Variants in HTR1E observed in about 807,000 individuals in gnomAD.
The protein encoded by HTR1E is 5-hydroxytryptamine receptor 1E.
A neutral mutation model predicts 3.4 loss-of-function variants in HTR1E; 3 were observed. That is an observed-to-expected ratio of 0.89 (90% CI 0.41 to 2.31). HTR1E has a LOEUF of 2.31. Ranked by LOEUF, HTR1E falls within the 30% of genes most tolerant of loss-of-function variation. The pLI, the probability that HTR1E is intolerant of heterozygous loss-of-function variation, is 0.05. For synonymous variants in HTR1E, 170 were observed against 182.8 expected (o/e 0.93, Z 0.56); for missense variants, 392 against 467.0 (o/e 0.84, Z 1.48).
chr6:86,984,926 C>A (rs1767763376), intron 1 of HTR1E, among the ~76,000 whole-genome samples: 1 of 152,062 alleles, frequency 6.6e-6, no homozygotes, highest in Admixed American at 6.6e-5. Context: ...TATACTTAAA[C>A]CTAAACTATG....
At chr6:87,014,748 G>A (rs1768291542) in intron 1 of HTR1E, among the ~76,000 whole-genome samples, 1 of 152,118 alleles carries the variant, frequency 6.6e-6, no homozygotes, top group South Asian at 2.1e-4. Flanking sequence ...AGTGGGAGTT[G>A]AACAATGAGA....
chr6:86,964,118 G>T (rs1371530521), intron 1 of HTR1E, among the ~76,000 whole-genome samples: 1 of 152,162 alleles, frequency 6.6e-6, no homozygotes, highest in Non-Finnish European at 1.5e-5. Flanking sequence ...GTATGCTAGG[G>T]AAGTCTTCCT....
At chr6:86,997,694 G>A (rs992737824) in intron 1 of HTR1E, among the ~76,000 whole-genome samples, 4 of 151,596 alleles carry the variant, frequency 2.6e-5, no homozygotes, top group East Asian at 1.9e-4. Context: ...ATCAAAAAAG[G>A]CTTGGACAAA....
At chr6:86,996,571 G>C (rs757608726) in intron 1 of HTR1E, among the ~76,000 whole-genome samples, 2 of 151,662 alleles carry the variant, frequency 1.3e-5, no homozygotes, top group Non-Finnish European at 2.9e-5. Flanking sequence ...AATGAATCAG[G>C]GAATATCATT....
At chr6:87,013,956 C>T (rs953684530) in intron 1 of HTR1E, among the ~76,000 whole-genome samples, 1 of 152,034 alleles carries the variant, frequency 6.6e-6, no homozygotes, top group African/African-American at 2.4e-5. Context: ...CATTTCACGC[C>T]AGTTAGAATG....
chr6:86,994,350 TAAAGAC>T (rs1767908141), intron 1 of HTR1E, among the ~76,000 whole-genome samples: 6 of 151,874 alleles, frequency 4.0e-5, no homozygotes, highest in Admixed American at 3.9e-4. Flanking sequence ...TTCTGAAAAT[TAAAGAC>T]AAACAAAAAA....
chr6:86,973,051 A>G (rs1179108766), intron 1 of HTR1E, among the ~76,000 whole-genome samples: 1 of 152,190 alleles, frequency 6.6e-6, no homozygotes, highest in Admixed American at 6.5e-5. Flanking sequence ...GTTGTATTTC[A>G]CAGCTTAGTC....
intron 1 of HTR1E, among the ~76,000 whole-genome samples, chr6:86,941,328 T>G (rs1768542017): frequency 2.6e-5 from 4 of 152,204 alleles, no homozygotes; most frequent in Admixed American, 1.3e-4. Context: ...TTGAGAACCC[T>G]CTTTCTAATA....
intron 1 of HTR1E, among the ~76,000 whole-genome samples, chr6:86,969,015 A>G (rs1316096111): frequency 6.6e-6 from 1 of 152,086 alleles, no homozygotes; most frequent in Non-Finnish European, 1.5e-5. Context: ...AGTGGTCCCA[A>G]CTCTATTCAT....
intron 1 of HTR1E, among the ~76,000 whole-genome samples, chr6:86,938,376 A>T (rs190476139): frequency 0.016 from 2,391 of 152,242 alleles, 31 homozygotes; most frequent in South Asian, 0.039. Flanking sequence ...CATTTTTTTT[A>T]AAATACAAAA....
chr6:86,939,581 G>A (rs993784472), intron 1 of HTR1E, among the ~76,000 whole-genome samples: 1 of 152,222 alleles, frequency 6.6e-6, no homozygotes, highest in Admixed American at 6.5e-5. Flanking sequence ...GTATATGCAT[G>A]TTCAAATATT....
At chr6:86,958,297 A>G (rs1767353955) in intron 1 of HTR1E, among the ~76,000 whole-genome samples, 1 of 152,082 alleles carries the variant, frequency 6.6e-6, no homozygotes, top group South Asian at 2.1e-4. Context: ...TGACCTCGTG[A>G]TCTGCCCACC....
In HTR1E at chr6:86,962,775, T is replaced by C. The variant is rs1432836643; in HGVS notation, c.-186+24952T>C. 3.9e-5 allele frequency among the ~76,000 whole-genome samples: 6 copies of C among 152,168 alleles called. No homozygotes were observed. The East Asian group carries it at 9.7e-4, about 24-fold the overall frequency. ...ATCACTTGAACCTGGAAGGCAGAGA[T>C]TGCAGTGAACCAAGATTGTGCCACT... On this transcript the variant is annotated intron_variant, in intron 1 of 1. Coordinates refer to ENST00000305344, the MANE Select transcript of HTR1E (RefSeq NM_000865.3).
At chr6:86,999,900 C>A (rs958738078) in intron 1 of HTR1E, 1 of 152,222 alleles carries the variant, frequency 6.6e-6, no homozygotes, top group African/African-American at 2.4e-5. Flanking sequence ...TACACAAACA[C>A]CTGCCCATTA....
intron 1 of HTR1E, among the ~76,000 whole-genome samples, chr6:86,995,067 A>G (rs143992039): frequency 2.0e-5 from 3 of 152,254 alleles, no homozygotes; most frequent in African/African-American, 2.4e-5. Flanking sequence ...AATAAACAGA[A>G]AAACATAAAC....
rs763069609 is a variant in HTR1E at position 87,015,324 on chromosome 6, A to G, written c.-11A>G. 6.5e-7 allele frequency: 1 copy of G among 1,534,020 alleles called. No homozygotes were observed. Among genetic ancestry groups the G allele is most frequent in the South Asian group, 1.3e-5 (1 of 78,744 alleles). ...CAGCTTCTCCACAGTGTAGACTGAA[A>G]CAAGGGAAACATGAACATCACAAAC... On this transcript the variant is annotated 5_prime_UTR_variant, in exon 2 of 2. Transcript: ENST00000305344.
chr6:86,962,385 A>G (rs760699535), intron 1 of HTR1E, among the ~76,000 whole-genome samples: 3 of 152,220 alleles, frequency 2.0e-5, no homozygotes, highest in Non-Finnish European at 2.9e-5. Flanking sequence ...CCACATAATA[A>G]TGTTTTGGTC....
At chr6:86,963,514 T>C (rs1397738755) in intron 1 of HTR1E, among the ~76,000 whole-genome samples, 2 of 152,236 alleles carry the variant, frequency 1.3e-5, no homozygotes, top group Non-Finnish European at 2.9e-5. Context: ...TAGTGTACAG[T>C]AATGTTCTAG....
In HTR1E at chr6:87,015,137, T is replaced by C. The variant is rs1349103682; in HGVS notation, c.-185-13T>C. ...CTTTCTCATTCATTAACCAATAGCA[T>C]AATATTTTCCAGGAACCTTCACTCA... On this transcript the variant is annotated splice_polypyrimidine_tract_variant and intron_variant, in intron 1 of 1. Coordinates refer to ENST00000305344, the MANE Select transcript of HTR1E (RefSeq NM_000865.3). 1 of 392,986 alleles carries C rather than the reference T, an allele frequency of 2.5e-6. No homozygotes were observed. Among genetic ancestry groups the C allele is most frequent in the East Asian group, 3.7e-5 (1 of 26,946 alleles). 24.3% of individuals were successfully genotyped at this position (392,986 alleles called of 1,614,324 possible).
Sources: allele counts gnomAD v4.1 joint callset (sites outside exome capture counted in the v4.1 genomes callset), GRCh38; gene constraint gnomAD v4.1.1; transcripts MANE v1.5; gene names NCBI Gene and HGNC (gene_info 2026-07-23, HGNC 2026-07-21).